CRTC3: variants seen among roughly 807,000 people sequenced by gnomAD.
The protein encoded by CRTC3 is CREB-regulated transcription coactivator 3.
In CRTC3, 26 loss-of-function variants were observed where a neutral mutation model predicts 74.5. The observed-to-expected ratio is 0.35, with a 90% CI of 0.26 to 0.48. The LOEUF (loss-of-function observed/expected upper bound fraction) is 0.48, where lower values mean the gene tolerates loss of function less well. Among genes scored for constraint, CRTC3 ranks in the 20% least tolerant of loss-of-function variants. The pLI is 0.99. For missense variants in CRTC3, 760 were observed against 787.3 expected, an observed-to-expected ratio of 0.97 and a Z score of 0.41; for synonymous variants, 377 against 325.8, an observed-to-expected ratio of 1.16 and a Z score of -1.69.
chr15:90,617,623 A>G (rs1200622232), intron 7 of CRTC3, among the ~76,000 whole-genome samples: 1 of 152,084 alleles, frequency 6.6e-6, no homozygotes, highest in Non-Finnish European at 1.5e-5. Flanking sequence ...TCAGCCTCTC[A>G]GGCTCAAGGA....
chr15:90,644,521 G>C lies in CRTC3; in HGVS notation c.*2381G>C, dbSNP rs1969560014. ...CACAGTGAACCCTACTGCCCCAAAG[G>C]CGTTCTCCAGGTGACTTGTGAAAAC... is the stretch of plus-strand genomic sequence containing the variant. On this transcript the variant is annotated 3_prime_UTR_variant, in exon 15 of 15. Coordinates refer to ENST00000268184, the MANE Select transcript of CRTC3 (RefSeq NM_022769.5). The C allele has an allele frequency of 8.6e-6, 2 of 232,552 alleles. No individual in the cohort carries two copies. The highest frequency in any genetic ancestry group is 6.1e-5 in the East Asian group (1 of 16,496). 14.4% of individuals were successfully genotyped at this position (232,552 alleles called of 1,614,324 possible).
chr15:90,562,810 G>A (rs1967041195), intron 2 of CRTC3, among the ~76,000 whole-genome samples: 1 of 151,996 alleles, frequency 6.6e-6, no homozygotes, highest in Admixed American at 6.6e-5. Flanking sequence ...TGGAAGAGGG[G>A]GGTCAGTTGA....
chr15:90,586,804 T>C (rs1353716961), intron 2 of CRTC3, among the ~76,000 whole-genome samples: 1 of 152,256 alleles, frequency 6.6e-6, no homozygotes, highest in Non-Finnish European at 1.5e-5. Context: ...AGGATTTATT[T>C]TGCTACTTAG....
chr15:90,571,041 A>G (rs1024251457), intron 2 of CRTC3, among the ~76,000 whole-genome samples: 1 of 152,190 alleles, frequency 6.6e-6, no homozygotes, highest in East Asian at 1.9e-4. Flanking sequence ...ACGTTCCTAA[A>G]TTGTCCATAA....
rs781224369 is a variant in CRTC3, at chr15:90,641,981, C to A, written c.1701C>A (p.Gly567=). The change falls in exon 15 of 15, where the codon GGC becomes GGA. Residue 567 remains glycine (G), a synonymous_variant. Coordinates refer to ENST00000268184, the MANE Select transcript of CRTC3 (RefSeq NM_022769.5). ...AAGACCTCAACAGTGCGCTGGCAGG[C>A]CTGCCTGAGGTCAGCCTGAACGTGG... is the stretch of plus-strand genomic sequence containing the variant. ...LFKDLNSALA[G]LPEVSLNVDT... is the part of the protein sequence containing the mutation. The A allele has an allele frequency of 1.0e-4, 165 of 1,613,706 alleles. No homozygotes were observed. Among genetic ancestry groups the A allele is most frequent in the Non-Finnish European group, 1.4e-4 (161 of 1,179,966 alleles).
chr15:90,570,914 T>A (rs565295758), intron 2 of CRTC3, among the ~76,000 whole-genome samples: 6 of 152,192 alleles, frequency 3.9e-5, no homozygotes, highest in Admixed American at 3.9e-4. Context: ...AACGACTGTG[T>A]CTGAAGGGCA....
chr15:90,572,371 T>C (rs1023302982), intron 2 of CRTC3, among the ~76,000 whole-genome samples: 1 of 152,178 alleles, frequency 6.6e-6, no homozygotes, highest in Non-Finnish European at 1.5e-5. Flanking sequence ...AACATTCTTG[T>C]TATGATATCG....
At chr15:90,586,253 G>T (rs1458583143) in intron 2 of CRTC3, among the ~76,000 whole-genome samples, 1 of 151,876 alleles carries the variant, frequency 6.6e-6, no homozygotes, top group Non-Finnish European at 1.5e-5. Flanking sequence ...TACAGATGCT[G>T]AGGTTGTGGT....
At chr15:90,598,393 G>GAAA (rs1967983295) in intron 3 of CRTC3, 2 of 702,134 alleles carry the variant, frequency 2.8e-6, no homozygotes, top group Non-Finnish European at 5.2e-6. Flanking sequence ...AGAAGAAGAA[G>GAAA]AGCTGCTCCC....
At chr15:90,602,635 AAAAC>A (rs1159551188) in intron 4 of CRTC3, among the ~76,000 whole-genome samples, 11 of 137,816 alleles carry the variant, frequency 8.0e-5, no homozygotes, top group Non-Finnish European at 1.5e-4. Context: ...CCATCTCTTA[AAAAC>A]AAACAAACAA....
rs533683795 is a variant in CRTC3, at chr15:90,545,662, C to T, written c.231+5525C>T. 6.5e-4 allele frequency among the ~76,000 whole-genome samples: 99 copies of T among 152,146 alleles called. No homozygotes were observed. The South Asian group carries it at 6.6e-3, about 10-fold the overall frequency. On this transcript the variant is annotated intron_variant, in intron 2 of 14. Transcript: ENST00000268184. ...CACGATCTCGGCTCACTGCAACCTCCGCCTCCTGGGTTCAAGCAATTCTCC... is the reference window on the plus strand; with the variant it reads ...CACGATCTCGGCTCACTGCAACCTCTGCCTCCTGGGTTCAAGCAATTCTCC...
Position 90,530,094 on chromosome 15 carries a change from G to A in CRTC3, c.23G>A (p.Gly8Asp). The part of the protein sequence containing the change: MAASPGS[G>D]SANPRKFSEK... ...GCCATGGCCGCCTCGCCGGGCTCGG[G>A]CAGCGCCAACCCGCGGAAGTTCAGT... The change falls in exon 1 of 15, where the codon GGC becomes GAC. Residue 8 changes from glycine (G) to aspartate (D), a missense_variant. Transcript: ENST00000268184. This position sits in a 1 kb window ranked among gnomAD's most constrained non-coding sequence, Gnocchi z 6.2. The A allele has an allele frequency of 6.9e-7, 1 of 1,445,674 alleles. No individual in the cohort carries two copies. Among genetic ancestry groups the A allele is most frequent in the Non-Finnish European group, 9.2e-7 (1 of 1,083,582 alleles). 89.6% of individuals were successfully genotyped at this position (1,445,674 alleles called of 1,614,324 possible). A position where few individuals can be genotyped will look rare whatever the true frequency, so the allele number is the denominator to read the frequency against.
chr15:90,553,098 T>G (rs1966865015), intron 2 of CRTC3, among the ~76,000 whole-genome samples: 1 of 152,232 alleles, frequency 6.6e-6, no homozygotes, highest in Non-Finnish European at 1.5e-5. Context: ...TTAGCATGAA[T>G]TATTTCCGGG....
Position 90,530,171 on chromosome 15 carries a change from G to C in CRTC3, c.100G>C (p.Glu34Gln). The change falls in exon 1 of 15, where the codon GAG becomes CAG. Residue 34 changes from glutamate (E) to glutamine (Q), a missense_variant. Transcript: ENST00000268184. This position sits in a 1 kb window ranked among gnomAD's most constrained non-coding sequence, Gnocchi z 6.2. Reference sequence around the variant, plus strand: ...ACAGGCCGAGGAGACGCGGGCCTTCGAGCAGCTCATGACCGACCTCACCCT... The same window carrying C: ...ACAGGCCGAGGAGACGCGGGCCTTCCAGCAGCTCATGACCGACCTCACCCT... Reference protein sequence around the residue: ...QRQAEETRAFEQLMTDLTLSR... With the variant: ...QRQAEETRAFQQLMTDLTLSR... 1 of 1,420,512 alleles carries C rather than the reference G, an allele frequency of 7.0e-7. No homozygotes were observed. Among genetic ancestry groups the C allele is most frequent in the Non-Finnish European group, 9.4e-7 (1 of 1,069,436 alleles). 88.0% of individuals were successfully genotyped at this position (1,420,512 alleles called of 1,614,324 possible).
chr15:90,604,214 TA>T (rs1968157514), intron 4 of CRTC3, 170 bp from the exon 5 acceptor site: 1 of 601,164 alleles, frequency 1.7e-6, no homozygotes, highest in Non-Finnish European at 3.1e-6. Flanking sequence ...CATGGAGTCT[TA>T]CCTCATTTTA....
rs200839301 is a variant in CRTC3, at chr15:90,619,741, A to G, written c.700A>G (p.Ile234Val). The G allele has an allele frequency of 3.0e-5, 49 of 1,613,630 alleles. No homozygotes were observed. Among genetic ancestry groups the G allele is most frequent in the Non-Finnish European group, 4.0e-5 (47 of 1,179,682 alleles). ...CCCAGCTTTCATTGTCTCTTCTCAG[A>G]TTCAGTCCCTGTCAGGACGCCCTCG... ...LPKQLWETKE[I>V]QSLSGRPRSC... The change falls in exon 9 of 15, where the codon ATT (isoleucine) becomes GTT (valine). Residue 234 changes from isoleucine to valine, a missense_variant and splice_region_variant. Physicochemically the swap from Ile to Val is conservative, Grantham distance 29. Coordinates refer to ENST00000268184, the MANE Select transcript of CRTC3 (RefSeq NM_022769.5).
At chr15:90,584,652 G>T (rs1013630191) in intron 2 of CRTC3, among the ~76,000 whole-genome samples, 3 of 152,182 alleles carry the variant, frequency 2.0e-5, no homozygotes, top group Non-Finnish European at 2.9e-5. Flanking sequence ...AAGAACTAAA[G>T]AAGTAAACTA....
Position 90,644,267 on chromosome 15 carries a change from C to G in CRTC3, c.*2127C>G, listed in dbSNP as rs570587529. 2.2e-5 allele frequency: 5 copies of G among 229,408 alleles called. No individual in the cohort carries two copies. The South Asian group carries it at 5.5e-4, about 25-fold the overall frequency. 14.2% of individuals were successfully genotyped at this position (229,408 alleles called of 1,614,324 possible). On this transcript the variant is annotated 3_prime_UTR_variant, in exon 15 of 15. Coordinates refer to ENST00000268184, the MANE Select transcript of CRTC3 (RefSeq NM_022769.5). ...TTCAGTCGCAATGCTACCCAGCACCCCATGTGCCAAAAGAAACCAGCTCCT... is the reference window on the plus strand; with the variant it reads ...TTCAGTCGCAATGCTACCCAGCACCGCATGTGCCAAAAGAAACCAGCTCCT...
At chr15:90,532,580 T>C (rs1282704551) in intron 1 of CRTC3, among the ~76,000 whole-genome samples, 1 of 152,236 alleles carries the variant, frequency 6.6e-6, no homozygotes, top group Non-Finnish European at 1.5e-5. Context: ...AGTTCTTCTC[T>C]ACATGATCAA....
Sources: allele counts gnomAD v4.1 joint callset (sites outside exome capture counted in the v4.1 genomes callset), GRCh38; gene constraint gnomAD v4.1.1; non-coding constraint Gnocchi (gnomAD v3.1); transcripts MANE v1.5; gene names NCBI Gene and HGNC (gene_info 2026-07-23, HGNC 2026-07-21).